The following NRG1 variants were observed in gnomAD, a reference collection of about 807,000 sequenced individuals.
NRG1 encodes the protein pro-neuregulin-1, membrane-bound isoform.
In NRG1, 18 loss-of-function variants were observed where a neutral mutation model predicts 63.8. The observed-to-expected ratio is 0.28, with a 90% confidence interval of 0.19 to 0.42. NRG1 has a LOEUF of 0.42. NRG1 is among the 10% of genes least tolerant of loss of function. The pLI, the probability that NRG1 is intolerant of heterozygous loss-of-function variation, is 1.00. For synonymous variants in NRG1, 302 were observed against 301.3 expected (o/e 1.00, Z -0.02); for missense variants, 762 against 814.7 (o/e 0.94, Z 0.79).
At position 31,859,927 on chromosome 8, in the gene NRG1, G is replaced by C. The variant is rs1269339915; in HGVS notation, c.37+220496G>C. Among the ~76,000 whole-genome samples the C allele has an allele frequency of 4.6e-5, 7 of 152,104 alleles. No homozygotes were observed. In the East Asian group the frequency reaches 1.2e-3, roughly 25 times the overall value. On this transcript the variant is annotated intron_variant, in intron 1 of 10. Transcript: ENST00000519301. ...GTGTCTAGATTTGGAAAATAAGCCT[G>C]CTTAGTTTTTTTTCCCAGCTCAGTG...
chr8:31,777,954 T>G (rs938798334), intron 1 of NRG1, among the ~76,000 whole-genome samples: 1 of 152,212 alleles, frequency 6.6e-6, no homozygotes, highest in African/African-American at 2.4e-5. Context: ...GAGATTAAAT[T>G]TCAACATAAG....
chr8:31,697,532 A>G (rs1810197234), intron 1 of NRG1, among the ~76,000 whole-genome samples: 1 of 152,172 alleles, frequency 6.6e-6, no homozygotes, highest in Admixed American at 6.5e-5. Flanking sequence ...GAAAGAACAT[A>G]TATAATATTT....
upstream of NRG1, among the ~76,000 whole-genome samples, chr8:32,545,762 C>CT (rs1833006917): frequency 6.6e-6 from 1 of 151,912 alleles, no homozygotes; most frequent in East Asian, 1.9e-4. Context: ...AGAAAAAAAC[C>CT]TTTTTGGACT....
intron 1 of NRG1, among the ~76,000 whole-genome samples, chr8:31,867,024 C>T (rs1829019796): frequency 6.6e-6 from 1 of 152,124 alleles, no homozygotes; most frequent in African/African-American, 2.4e-5. Flanking sequence ...CTAGTTTTAA[C>T]TTGTTTGGTT....
At chr8:32,509,265 G>A (rs1828902646) in intron 1 of NRG1, among the ~76,000 whole-genome samples, 2 of 151,264 alleles carry the variant, frequency 1.3e-5, no homozygotes, top group African/African-American at 2.4e-5. Context: ...GCTAATTTTT[G>A]TATTTTTTCA....
At chr8:32,588,505 G>A (rs1450294100) in intron 1 of NRG1, among the ~76,000 whole-genome samples, 1 of 152,198 alleles carries the variant, frequency 6.6e-6, no homozygotes, top group East Asian at 1.9e-4. Flanking sequence ...GCCAACTCTG[G>A]CTGTAGTGGC....
At chr8:32,156,767 T>C (rs570351572) in intron 1 of NRG1, among the ~76,000 whole-genome samples, 10 of 152,230 alleles carry the variant, frequency 6.6e-5, no homozygotes, top group Admixed American at 6.5e-4. Context: ...TGAGACCCAG[T>C]CTCTACAAAC....
intron 1 of NRG1, among the ~76,000 whole-genome samples, chr8:31,987,340 GTGTGTGTGTA>G (rs1219414662): frequency 1.5e-4 from 23 of 148,954 alleles, no homozygotes; most frequent in South Asian, 1.3e-3. Flanking sequence ...GTGTGTGTGT[GTGTGTGTGTA>G]TGTGTGTGAA....
At chr8:32,333,627 T>C (rs1019094924) in intron 1 of NRG1, among the ~76,000 whole-genome samples, 2 of 152,190 alleles carry the variant, frequency 1.3e-5, no homozygotes, top group African/African-American at 2.4e-5. Flanking sequence ...CTGTAATCAA[T>C]GTTTTTAAAG....
chr8:32,580,883 A>G lies in NRG1; in HGVS notation c.101-14945A>G, dbSNP rs114872444. On this transcript the variant is annotated intron_variant, in intron 1 of 11. Transcript: ENST00000356819. ...GAGCAGTGTTCAACTGATTAATATT[A>G]GTTGGTTATATACTGATTTAGTGAT... Among the ~76,000 whole-genome samples, 1,052 of 152,300 alleles carry G rather than the reference A, an allele frequency of 6.9e-3. 16 individuals carry two copies. The highest frequency in any genetic ancestry group is 0.024 in the African/African-American group (1,008 of 41,556).
At chr8:32,399,327 C>A (rs528350952) in intron 1 of NRG1, among the ~76,000 whole-genome samples, 2 of 152,276 alleles carry the variant, frequency 1.3e-5, no homozygotes, top group South Asian at 4.1e-4. Flanking sequence ...TTCTGAGACA[C>A]GTATTTAAAA....
At chr8:32,478,270 G>GA (rs72586961) in intron 1 of NRG1, among the ~76,000 whole-genome samples, 1 of 151,908 alleles carries the variant, frequency 6.6e-6, no homozygotes, top group South Asian at 2.1e-4. Context: ...CATGTGGGGG[G>GA]GCCTTTTTGC....
At chr8:31,978,762 A>G (rs1293436690) in intron 1 of NRG1, among the ~76,000 whole-genome samples, 5 of 152,194 alleles carry the variant, frequency 3.3e-5, no homozygotes, top group African/African-American at 4.8e-5. Context: ...TGAGACAACC[A>G]ATCCATATAT....
intron 1 of NRG1, among the ~76,000 whole-genome samples, chr8:31,817,931 A>T (rs564897290): frequency 5.9e-5 from 9 of 152,216 alleles, no homozygotes; most frequent in Admixed American, 5.2e-4. Context: ...TGTTTATTTT[A>T]TATTTTTAAT....
intron 1 of NRG1, among the ~76,000 whole-genome samples, chr8:31,793,656 T>C (rs752168045): frequency 7.2e-5 from 11 of 152,218 alleles, no homozygotes; most frequent in Non-Finnish European, 1.5e-4. Flanking sequence ...CTGGAGCAGG[T>C]ACTCAAGAAG....
intron 1 of NRG1, among the ~76,000 whole-genome samples, chr8:32,176,785 C>G (rs2132064664): frequency 6.6e-6 from 1 of 152,264 alleles, no homozygotes; most frequent in East Asian, 1.9e-4. Flanking sequence ...GAGATACCAT[C>G]TCACACCAGT....
rs558166928 is a variant in NRG1, at chr8:31,777,152, G to A, written c.37+137721G>A. On this transcript the variant is annotated intron_variant, in intron 1 of 10. Coordinates refer to the NRG1 transcript ENST00000519301. The stretch of plus-strand genomic sequence containing the variant: ...CTGCCAAGTGAATGCAGTACTTAAA[G>A]ATTTGACTACTGGATGTCTGGTCTT... Among the ~76,000 whole-genome samples the A allele has an allele frequency of 2.6e-5, 4 of 152,316 alleles. No homozygotes were observed. In the South Asian group the frequency reaches 8.3e-4, roughly 32 times the overall value.
intron 1 of NRG1, among the ~76,000 whole-genome samples, chr8:32,493,293 A>G (rs1352165745): frequency 1.3e-5 from 2 of 152,162 alleles, no homozygotes; most frequent in South Asian, 2.1e-4. Flanking sequence ...CCCTAAGAAG[A>G]AAAAACAGAG....
intron 1 of NRG1, among the ~76,000 whole-genome samples, chr8:31,646,014 C>A (rs1447497115): frequency 6.6e-6 from 1 of 152,134 alleles, no homozygotes; most frequent in Non-Finnish European, 1.5e-5. Flanking sequence ...TATGGACTAG[C>A]CTTCTCTCGA....
Sources: allele counts gnomAD v4.1 joint callset (sites outside exome capture counted in the v4.1 genomes callset), GRCh38; gene constraint gnomAD v4.1.1; transcripts MANE v1.5; gene names NCBI Gene and HGNC (gene_info 2026-07-23, HGNC 2026-07-21).